The following AFAP1 variants were observed in gnomAD, a reference collection of about 807,000 sequenced individuals.
AFAP1 encodes actin filament-associated protein 1.
AFAP1 carries 75 observed loss-of-function variants against 93.9 expected under a neutral mutation model. The ratio of observed to expected loss-of-function variants is 0.80; its 90% CI spans 0.66 to 0.97. The LOEUF is 0.97. Among genes scored for constraint, AFAP1 ranks in the 50% least tolerant of loss-of-function variants. The pLI, the probability that AFAP1 is intolerant of heterozygous loss-of-function variation, is 0.00. For synonymous variants in AFAP1, 517 were observed against 430.7 expected, an observed-to-expected ratio of 1.20 and a Z score of -2.48; for missense variants, 1,201 against 1,050.8, an observed-to-expected ratio of 1.14 and a Z score of -1.98.
At chr4:7,809,427 G>C in intron 9 of AFAP1, 187 bp downstream of exon 9, 2 of 606,008 alleles carry the variant, frequency 3.3e-6, no homozygotes, top group South Asian at 4.5e-5. Flanking sequence ...GGCCTGCAAA[G>C]TCTTGTATGA....
intron 16 of AFAP1, among the ~76,000 whole-genome samples, chr4:7,769,823 C>G (rs931049569): frequency 6.6e-6 from 1 of 152,230 alleles, no homozygotes; most frequent in Non-Finnish European, 1.5e-5. Context: ...AGCTCGGGGT[C>G]CCCTGTGGGC....
intron 12 of AFAP1, among the ~76,000 whole-genome samples, chr4:7,783,080 C>T (rs1347576913): frequency 6.6e-6 from 1 of 152,124 alleles, no homozygotes; most frequent in Non-Finnish European, 1.5e-5. Flanking sequence ...TCAGGGGGAA[C>T]GTTGGGTAAA....
intron 1 of AFAP1, among the ~76,000 whole-genome samples, chr4:7,909,000 A>G (rs929113233): frequency 1.3e-5 from 2 of 150,976 alleles, no homozygotes; most frequent in Non-Finnish European, 3.0e-5. Context: ...TTGAAATTCA[A>G]GGTATTCAAG....
chr4:7,876,127 A>T (rs1412090973), intron 1 of AFAP1, among the ~76,000 whole-genome samples: 2 of 152,236 alleles, frequency 1.3e-5, no homozygotes, highest in African/African-American at 4.8e-5. Flanking sequence ...AACAGCATGG[A>T]ACTATCTGAA....
At chr4:7,837,154 C>T (rs988782192) in intron 6 of AFAP1, among the ~76,000 whole-genome samples, 1 of 152,144 alleles carries the variant, frequency 6.6e-6, no homozygotes, top group Non-Finnish European at 1.5e-5. Context: ...GAAGAAGAAA[C>T]AACTAGAAAT....
intron 1 of AFAP1, among the ~76,000 whole-genome samples, chr4:7,910,753 A>G (rs542838674): frequency 6.6e-6 from 1 of 152,350 alleles, no homozygotes; most frequent in East Asian, 1.9e-4. Flanking sequence ...AAGTGGCCAC[A>G]TGTGCTATGA....
chr4:7,767,668 A>G (rs531717154), intron 17 of AFAP1, among the ~76,000 whole-genome samples: 89 of 152,050 alleles, frequency 5.9e-4, no homozygotes, highest in African/African-American at 2.1e-3. Context: ...GGGGACAACC[A>G]TGTTTCTCAG....
chr4:7,837,864 C>T (rs116461533), intron 6 of AFAP1, among the ~76,000 whole-genome samples: 3,863 of 152,100 alleles, frequency 0.025, 157 homozygotes, highest in African/African-American at 0.079. Flanking sequence ...AGAAAAGATA[C>T]AAAAACTAGC....
At chr4:7,784,242 T>C (rs1717051100) in intron 12 of AFAP1, among the ~76,000 whole-genome samples, 2 of 151,900 alleles carry the variant, frequency 1.3e-5, no homozygotes, top group South Asian at 4.1e-4. Flanking sequence ...CCGCCTAAGA[T>C]GGGGGGCTCT....
chr4:7,865,769 G>A (rs1280684264), intron 3 of AFAP1, among the ~76,000 whole-genome samples: 1 of 152,264 alleles, frequency 6.6e-6, no homozygotes, highest in Non-Finnish European at 1.5e-5. Context: ...TGAGGGACAT[G>A]CAGTTTGGTC....
At position 7,766,435 on chromosome 4, in the gene AFAP1, C is replaced by T. The variant is rs564221073; in HGVS notation, c.2418+2409G>A. ...TGCCACATATGTTTAGCAAACAAGC[C>T]GAGGAAATGGTAACATTCCAAGCCT... is the stretch of plus-strand genomic sequence containing the variant. On this transcript the variant is annotated intron_variant, in intron 17 of 17. Transcript: ENST00000420658. 4.6e-5 allele frequency among the ~76,000 whole-genome samples: 7 copies of T among 152,224 alleles called. No individual in the cohort carries two copies. In the East Asian group the frequency reaches 7.7e-4, roughly 17 times the overall value.
intron 10 of AFAP1, chr4:7,798,959 T>C: frequency 1.0e-6 from 1 of 986,814 alleles, no homozygotes; most frequent in Non-Finnish European, 1.2e-6. Context: ...GTCAGAGCTC[T>C]CATGGGAGAC....
intron 10 of AFAP1, among the ~76,000 whole-genome samples, chr4:7,798,416 T>C (rs529942145): frequency 8.5e-6 from 1 of 118,204 alleles, no homozygotes; most frequent in African/African-American, 3.2e-5. Context: ...GCACTGCAAC[T>C]CTATTGGCTG....
At chr4:7,897,471 T>C (rs1273280592) in intron 1 of AFAP1, among the ~76,000 whole-genome samples, 1 of 152,180 alleles carries the variant, frequency 6.6e-6, no homozygotes, top group African/African-American at 2.4e-5. Context: ...TCATCTTCTT[T>C]GGAGTCTCTT....
chr4:7,885,230 T>C (rs1718079064), intron 1 of AFAP1, among the ~76,000 whole-genome samples: 1 of 152,326 alleles, frequency 6.6e-6, no homozygotes, highest in African/African-American at 2.4e-5. Flanking sequence ...ATTGTCTCTT[T>C]CCACTCTGCT....
chr4:7,836,598 C>T (rs1712330122), intron 6 of AFAP1, among the ~76,000 whole-genome samples: 2 of 152,170 alleles, frequency 1.3e-5, no homozygotes, highest in Admixed American at 6.5e-5. Flanking sequence ...AGGAACGTGT[C>T]ACCATGCCTG....
At chr4:7,786,513 T>C (rs573912106) in intron 11 of AFAP1, among the ~76,000 whole-genome samples, 2 of 152,300 alleles carry the variant, frequency 1.3e-5, no homozygotes, top group African/African-American at 4.8e-5. Context: ...GCACATAATC[T>C]GCAGAACTGC....
At chr4:7,851,954 G>A (rs1431016506) in intron 4 of AFAP1, among the ~76,000 whole-genome samples, 1 of 152,094 alleles carries the variant, frequency 6.6e-6, no homozygotes, top group African/African-American at 2.4e-5. Flanking sequence ...TTCTGACCAG[G>A]GAACTCATTT....
chr4:7,916,022 C>A (rs1359045148), intron 1 of AFAP1, among the ~76,000 whole-genome samples: 1 of 152,162 alleles, frequency 6.6e-6, no homozygotes, highest in East Asian at 1.9e-4. Flanking sequence ...TCCTCACTTA[C>A]GCAATCACCA....
Sources: allele counts gnomAD v4.1 joint callset (sites outside exome capture counted in the v4.1 genomes callset), GRCh38; gene constraint gnomAD v4.1.1; transcripts MANE v1.5; gene names NCBI Gene and HGNC (gene_info 2026-07-23, HGNC 2026-07-21).